Variants in PTPN3 observed in about 807,000 individuals in gnomAD.
PTPN3 encodes protein tyrosine phosphatase non-receptor type 3, also known as tyrosine-protein phosphatase non-receptor type 3.
Under a neutral mutation model 132.7 loss-of-function variants are expected in PTPN3, and 96 were observed. That is an observed-to-expected ratio of 0.72 (90% CI 0.61 to 0.86). The LOEUF (loss-of-function observed/expected upper bound fraction) is 0.86, where lower values mean the gene tolerates loss of function less well. PTPN3 is among the 40% of genes least tolerant of loss of function. The pLI is 0.00. For missense variants in PTPN3, 1,125 were observed against 1,159.6 expected (o/e 0.97, Z 0.43); for synonymous variants, 398 against 429.0 (o/e 0.93, Z 0.89).
intron 24 of PTPN3, 98 bp from the exon 25 acceptor site, chr9:109,381,885 C>T (rs1839129292): frequency 1.4e-6 from 2 of 1,462,560 alleles, no homozygotes; most frequent in East Asian, 2.3e-5. Context: ...GGGCTTTCCT[C>T]CCTTGGCCTT....
At chr9:109,451,222 CA>C in intron 5 of PTPN3, 2 of 979,004 alleles carry the variant, frequency 2.0e-6, no homozygotes, top group Non-Finnish European at 2.4e-6. Context: ...GACCCTGTTT[CA>C]AAAAATATAT....
At chr9:109,409,071 G>A (rs1458478544) in intron 16 of PTPN3, among the ~76,000 whole-genome samples, 1 of 151,944 alleles carries the variant, frequency 6.6e-6, no homozygotes, top group African/African-American at 2.4e-5. Context: ...TTTCTGTAAA[G>A]GGCCAGAGAG....
At chr9:109,468,757 A>T (rs536134616) in intron 1 of PTPN3, among the ~76,000 whole-genome samples, 1 of 152,378 alleles carries the variant, frequency 6.6e-6, no homozygotes, top group East Asian at 1.9e-4. Context: ...AATAAAGACC[A>T]TGAGAGTTAG....
At chr9:109,525,391 T>G in the PTPN3 span, among the ~76,000 whole-genome samples, 1 of 152,122 alleles carries the variant, frequency 6.6e-6, no homozygotes, top group Non-Finnish European at 1.5e-5. Flanking sequence ...AAAAGCTAAC[T>G]CCACCTGCAA....
chr9:109,511,028 A>C, the PTPN3 span, among the ~76,000 whole-genome samples: 1 of 152,234 alleles, frequency 6.6e-6, no homozygotes, highest in Non-Finnish European at 1.5e-5. Flanking sequence ...CAAAACTTTA[A>C]CTTTGCTCCC....
At chr9:109,470,135 G>GCCAC (rs1172327244) in intron 1 of PTPN3, among the ~76,000 whole-genome samples, 1 of 151,994 alleles carries the variant, frequency 6.6e-6, no homozygotes, top group East Asian at 1.9e-4. Flanking sequence ...TGTACTATCA[G>GCCAC]CCACCCTAGA....
At chr9:109,520,583 A>G in the PTPN3 span, among the ~76,000 whole-genome samples, 1 of 152,172 alleles carries the variant, frequency 6.6e-6, no homozygotes, top group African/African-American at 2.4e-5. Flanking sequence ...CTGTTCCCTC[A>G]TCTTTCTTTC....
At chr9:109,491,200 A>C (rs1179793754) in intron 1 of PTPN3, among the ~76,000 whole-genome samples, 4 of 60,176 alleles carry the variant, frequency 6.6e-5, no homozygotes, top group Non-Finnish European at 1.3e-4. Context: ...ACTCTCTCTC[A>C]AAAAAAAAAA....
At chr9:109,437,984 T>C in intron 8 of PTPN3, 130 bp downstream of exon 8, 1 of 1,200,352 alleles carries the variant, frequency 8.3e-7, no homozygotes, top group Non-Finnish European at 1.1e-6. Context: ...GCTCAAAGGT[T>C]CAAAAACCCC....
At chr9:109,488,826 A>C (rs1847330211) in intron 1 of PTPN3, among the ~76,000 whole-genome samples, 1 of 152,180 alleles carries the variant, frequency 6.6e-6, no homozygotes, top group African/African-American at 2.4e-5. Context: ...GGATCCCTAG[A>C]TGCTGGTTTC....
In PTPN3 at chr9:109,436,864, A is replaced by T. The variant is rs887623086; in HGVS notation, c.675+19T>A. ...ATAAAAACATAATGTTTGAGCCAAG[A>T]CATAACAAGAATACATACCCTACCA... On this transcript the variant is annotated intron_variant, in intron 9 of 25. Transcript: ENST00000374541. 4 of 1,603,950 alleles carry T rather than the reference A, an allele frequency of 2.5e-6. No individual in the cohort carries two copies. Among genetic ancestry groups the T allele is most frequent in the Non-Finnish European group, 3.4e-6 (4 of 1,176,722 alleles).
chr9:109,387,896 G>A (rs1412693997), intron 22 of PTPN3, among the ~76,000 whole-genome samples: 1 of 152,208 alleles, frequency 6.6e-6, no homozygotes, highest in East Asian at 1.9e-4. Context: ...AGAGCACAAA[G>A]AAAAACATTT....
chr9:109,501,822 C>G (rs1333866336), upstream of PTPN3, among the ~76,000 whole-genome samples: 2 of 152,188 alleles, frequency 1.3e-5, no homozygotes, highest in African/African-American at 4.8e-5. Context: ...CATGATGGAA[C>G]CACCTGGTCC....
chr9:109,397,009 C>A (rs534530398), intron 19 of PTPN3, among the ~76,000 whole-genome samples: 3 of 151,270 alleles, frequency 2.0e-5, no homozygotes, highest in African/African-American at 7.3e-5. Context: ...ACTCTATGAA[C>A]AGAAAAAGGG....
intron 14 of PTPN3, among the ~76,000 whole-genome samples, chr9:109,419,776 C>A (rs748452773): frequency 6.6e-6 from 1 of 151,964 alleles, no homozygotes; most frequent in Non-Finnish European, 1.5e-5. Flanking sequence ...TAAATATATC[C>A]TATTGAATAA....
At chr9:109,508,511 T>C in the PTPN3 span, among the ~76,000 whole-genome samples, 2 of 152,194 alleles carry the variant, frequency 1.3e-5, no homozygotes, top group Non-Finnish European at 2.9e-5. Context: ...CATTGAGTTA[T>C]CAATGTGTGT....
intron 23 of PTPN3, 48 bp from the exon 24 acceptor site, chr9:109,382,495 T>C: frequency 6.2e-7 from 1 of 1,606,966 alleles, no homozygotes; most frequent in Non-Finnish European, 8.5e-7. Context: ...GTGGTGAGCA[T>C]GAGGACCCAG....
intron 9 of PTPN3, 62 bp downstream of exon 9, chr9:109,436,821 A>C: frequency 6.5e-7 from 1 of 1,541,016 alleles, no homozygotes; most frequent in Admixed American, 2.1e-5. Context: ...AGAATTTTTC[A>C]AACTCTCAGA....
intron 14 of PTPN3, among the ~76,000 whole-genome samples, chr9:109,414,713 A>G (rs1017133768): frequency 7.2e-5 from 11 of 152,174 alleles, no homozygotes; most frequent in African/African-American, 2.4e-4. Context: ...GGCTTCCCCT[A>G]TAGATATCAG....
Sources: allele counts gnomAD v4.1 joint callset (sites outside exome capture counted in the v4.1 genomes callset), GRCh38; gene constraint gnomAD v4.1.1; transcripts MANE v1.5; gene names NCBI Gene and HGNC (gene_info 2026-07-23, HGNC 2026-07-21).